GLRA1: variants seen among roughly 807,000 people sequenced by gnomAD.
The protein encoded by GLRA1 is glycine receptor subunit alpha-1.
Under a neutral mutation model 48.3 loss-of-function variants are expected in GLRA1, and 37 were observed. The observed-to-expected ratio is 0.77, with a 90% CI of 0.59 to 1.01. The LOEUF (loss-of-function observed/expected upper bound fraction) is 1.01, where lower values mean the gene tolerates loss of function less well. Ranked by LOEUF, GLRA1 falls within the 50% of genes least tolerant of loss-of-function variation. GLRA1 has a pLI of 0.00. For missense variants in GLRA1, 427 were observed against 571.0 expected (o/e 0.75, Z 2.57); for synonymous variants, 196 against 210.7 (o/e 0.93, Z 0.60).
rs1763349645 is a variant in GLRA1 at position 151,829,001 on chromosome 5, A to G, written c.979T>C (p.Leu327=). The G allele has an allele frequency of 6.2e-7, 1 of 1,614,024 alleles. No individual in the cohort carries two copies. Among genetic ancestry groups the G allele is most frequent in the African/African-American group, 1.3e-5 (1 of 74,928 alleles). The change falls in exon 8 of 9, where the codon TTA becomes CTA. Residue 327 remains leucine (L), a synonymous_variant. Transcript: ENST00000274576. ...ACAAAGTTAACGGCAGCATATTCTA[A>G]TAGGGCTGAGAACACAAAGAGCAGG... ...VCLLFVFSAL[L]EYAAVNFVSR... is the part of the protein sequence containing the mutation.
At position 151,869,531 on chromosome 5, in the gene GLRA1, T is replaced by A. The variant is rs976358142; in HGVS notation, c.253-9523A>T. 3.3e-5 allele frequency among the ~76,000 whole-genome samples: 5 copies of A among 151,412 alleles called. No individual in the cohort carries two copies. The East Asian group carries it at 9.8e-4, about 30-fold the overall frequency. ...GAGTTTGAGACCAGCCTGGCCAACATGGCGAAACCCCGTCTCTACTAAAAA... is the reference window on the plus strand; with the variant it reads ...GAGTTTGAGACCAGCCTGGCCAACAAGGCGAAACCCCGTCTCTACTAAAAA... On this transcript the variant is annotated intron_variant, in intron 3 of 8. Transcript: ENST00000274576.
chr5:151,828,847 A>G (rs557605754), intron 8 of GLRA1, 74 bp downstream of exon 8: 4 of 1,439,948 alleles, frequency 2.8e-6, no homozygotes, highest in East Asian at 2.3e-5. Context: ...AACAAATAAC[A>G]CAAGACAATA....
chr5:151,916,361 G>C (rs2113460271), intron 1 of GLRA1, among the ~76,000 whole-genome samples: 1 of 152,338 alleles, frequency 6.6e-6, no homozygotes, highest in East Asian at 1.9e-4. Context: ...CTGGCAGCCA[G>C]GGTTGCAGCA....
intron 7 of GLRA1, among the ~76,000 whole-genome samples, chr5:151,837,579 T>C (rs907249469): frequency 1.3e-5 from 2 of 152,176 alleles, no homozygotes; most frequent in African/African-American, 4.8e-5. Flanking sequence ...CCACCAATGA[T>C]AGACTGATAA....
intron 3 of GLRA1, among the ~76,000 whole-genome samples, chr5:151,886,202 A>G (rs1210054614): frequency 6.6e-6 from 1 of 152,232 alleles, no homozygotes; most frequent in Non-Finnish European, 1.5e-5. Context: ...AATTATTCAT[A>G]ACTTTTTAAT....
At position 151,923,428 on chromosome 5, in the gene GLRA1, T is replaced by G. The variant is rs1754927392; in HGVS notation, c.56+1066A>C. The stretch of plus-strand genomic sequence containing the variant: ...TGGGGTGGGTTTTTCAAATGACTGT[T>G]AATCCAATGCCACAGTAAAATATGA... On this transcript the variant is annotated intron_variant, in intron 1 of 8. Coordinates refer to ENST00000274576, the MANE Select transcript of GLRA1 (RefSeq NM_000171.4). Among the ~76,000 whole-genome samples the G allele has an allele frequency of 2.6e-5, 4 of 152,220 alleles. No individual in the cohort carries two copies. In the South Asian group the frequency reaches 8.3e-4, roughly 31 times the overall value.
chr5:151,830,719 A>G (rs1343772612), intron 7 of GLRA1, among the ~76,000 whole-genome samples: 1 of 151,286 alleles, frequency 6.6e-6, no homozygotes, highest in Non-Finnish European at 1.5e-5. Context: ...GTAGTCCCAC[A>G]AAACAAATAA....
chr5:151,899,594 G>A (rs1754314698), intron 1 of GLRA1, among the ~76,000 whole-genome samples: 1 of 152,104 alleles, frequency 6.6e-6, no homozygotes, highest in South Asian at 2.1e-4. Context: ...GGATTGTTGT[G>A]CAGCCTGGGC....
intron 7 of GLRA1, chr5:151,850,063 G>A: frequency 5.0e-6 from 8 of 1,603,950 alleles, no homozygotes; most frequent in Non-Finnish European, 6.8e-6. Flanking sequence ...CCAGCACCCT[G>A]GTTTGGCATG....
chr5:151,826,404 T>C (rs1483646168), intron 8 of GLRA1, among the ~76,000 whole-genome samples: 2 of 152,358 alleles, frequency 1.3e-5, no homozygotes, highest in East Asian at 3.9e-4. Context: ...ATCTAATAAA[T>C]GCAGGACAAT....
chr5:151,844,103 G>A (rs775533058), intron 7 of GLRA1, among the ~76,000 whole-genome samples: 43 of 151,990 alleles, frequency 2.8e-4, no homozygotes, highest in South Asian at 6.2e-4. Flanking sequence ...TCAGGAGGCG[G>A]AGGTTGCAGT....
intron 5 of GLRA1, among the ~76,000 whole-genome samples, chr5:151,855,764 A>G (rs1002370722): frequency 3.9e-5 from 6 of 152,218 alleles, no homozygotes; most frequent in Non-Finnish European, 7.3e-5. Flanking sequence ...TAAGTTAGTC[A>G]GATTGGTTTC....
chr5:151,850,443 A>T (rs748416651), intron 7 of GLRA1: 60 of 1,123,288 alleles, frequency 5.3e-5, no homozygotes, highest in Non-Finnish European at 7.9e-5. Context: ...TACCAACTTC[A>T]GCACCAAGGC....
chr5:151,917,073 C>T (rs1264936992), intron 1 of GLRA1, among the ~76,000 whole-genome samples: 1 of 152,112 alleles, frequency 6.6e-6, no homozygotes, highest in Admixed American at 6.5e-5. Context: ...GCTCTGTCAC[C>T]CACTCTATAA....
chr5:151,822,993 TAAAA>T, intron 8 of GLRA1, 30 bp from the exon 9 acceptor site: 1 of 1,564,990 alleles, frequency 6.4e-7, no homozygotes, highest in Non-Finnish European at 8.7e-7. Flanking sequence ...GGGCTCTACT[TAAAA>T]TAAGACAGGG....
At chr5:151,902,371 G>A (rs911476447) in intron 1 of GLRA1, among the ~76,000 whole-genome samples, 5 of 151,844 alleles carry the variant, frequency 3.3e-5, no homozygotes, top group African/African-American at 9.7e-5. Flanking sequence ...ATCACGGTAC[G>A]GACAATACCT....
intron 1 of GLRA1, among the ~76,000 whole-genome samples, chr5:151,914,880 A>AT (rs963805256): frequency 1.3e-5 from 2 of 152,126 alleles, no homozygotes; most frequent in African/African-American, 4.8e-5. Context: ...TTAGCTCTTG[A>AT]TTTTCTAGAG....
intron 1 of GLRA1, among the ~76,000 whole-genome samples, chr5:151,908,497 G>A (rs1302199635): frequency 6.6e-6 from 1 of 151,914 alleles, no homozygotes; most frequent in Non-Finnish European, 1.5e-5. Context: ...AAGTCCTCTA[G>A]TACAGTGTAC....
chr5:151,910,886 C>T lies in GLRA1; in HGVS notation c.56+13608G>A, dbSNP rs1397225159. On this transcript the variant is annotated intron_variant, in intron 1 of 8. Transcript: ENST00000274576. ...TATTTGTTTAGTTGTTTGTACCCCC[C>T]ACTAGAAGTTAAGGTGTGTTAGAGC... Among the ~76,000 whole-genome samples, 4 of 152,334 alleles carry T rather than the reference C, an allele frequency of 2.6e-5. No homozygotes were observed. The South Asian group carries it at 8.3e-4, about 32-fold the overall frequency.
Sources: gnomAD v4.1 joint callset for allele counts (sites outside exome capture counted in the v4.1 genomes callset) on GRCh38, gnomAD v4.1.1 for gene constraint, MANE v1.5 for transcripts, NCBI Gene and HGNC (gene_info 2026-07-23, HGNC 2026-07-21) for gene names.